Variants in GPNMB observed in about 807,000 individuals in gnomAD.
The protein encoded by GPNMB is glycoprotein nmb.
GPNMB carries 71 observed loss-of-function variants against 57.3 expected under a neutral mutation model. That is an observed-to-expected ratio of 1.24 (90% CI 1.02 to 1.51). The LOEUF (loss-of-function observed/expected upper bound fraction) is 1.51, where lower values mean the gene tolerates loss of function less well. GPNMB is among the 40% of genes most tolerant of loss of function. The pLI, the probability that GPNMB is intolerant of heterozygous loss-of-function variation, is 0.00. For synonymous variants in GPNMB, 253 were observed against 263.2 expected (o/e 0.96, Z 0.38); for missense variants, 677 against 691.9 (o/e 0.98, Z 0.24).
Position 23,274,299 on chromosome 7 carries a change from T to C in GPNMB, c.*75T>C. The stretch of plus-strand genomic sequence containing the variant: ...TGTGCTGGAGTGGCTATTAACCTTT[T>C]TTTCCTAAAGATTATTGTTAAATAG... On this transcript the variant is annotated 3_prime_UTR_variant, in exon 11 of 11. Transcript: ENST00000258733. 1 of 1,093,494 alleles carries C rather than the reference T, an allele frequency of 9.1e-7. No homozygotes were observed. Among genetic ancestry groups the C allele is most frequent in the Admixed American group, 2.2e-5 (1 of 45,992 alleles). The allele number at this position is 1,093,494 out of a possible 1,614,324, so 67.7% of individuals were successfully genotyped here. A position where few individuals can be genotyped will look rare whatever the true frequency, so the allele number is the denominator to read the frequency against.
Position 23,274,711 on chromosome 7 carries a change from G to T in GPNMB, c.*487G>T, listed in dbSNP as rs187509890. ...TGAACTCCTGATGGAACAATAACAG[G>T]CCCAAGCCTGTGGTATGATGTGCAC... On this transcript the variant is annotated 3_prime_UTR_variant, in exon 11 of 11. Coordinates refer to ENST00000258733, the MANE Select transcript of GPNMB (RefSeq NM_002510.3). The T allele has an allele frequency of 6.5e-6, 1 of 152,916 alleles. No individual in the cohort carries two copies. The highest frequency in any genetic ancestry group is 2.4e-5 in the African/African-American group (1 of 41,422). The allele number at this position is 152,916 out of a possible 1,614,324, so 9.5% of individuals were successfully genotyped here. A position where few individuals can be genotyped will look rare whatever the true frequency, so the allele number is the denominator to read the frequency against.
intron 1 of GPNMB, chr7:23,248,049 G>A (rs1308321109): frequency 6.6e-6 from 1 of 152,324 alleles, no homozygotes; most frequent in Non-Finnish European, 1.5e-5. Flanking sequence ...CCCGGGTTTG[G>A]GGTTGGACAG....
Position 23,270,000 on chromosome 7 carries a change from CCCCA to C in GPNMB, c.1257_1260del (p.Thr420AlafsTer20). The C allele has an allele frequency of 3.1e-6, 5 of 1,614,108 alleles. No homozygotes were observed. Among genetic ancestry groups the C allele is most frequent in the Non-Finnish European group, 4.2e-6 (5 of 1,179,996 alleles). On this transcript the variant is annotated frameshift_variant, in exon 9 of 11. Coordinates refer to ENST00000258733, the MANE Select transcript of GPNMB (RefSeq NM_002510.3). LOFTEE classifies it high-confidence loss of function. ...CGGAGGTCTGTACCATCATTTCTGA[CCCCA>C]CCTGCGAGATCACCCAGAACACAGT...
intron 4 of GPNMB, 82 bp from the exon 5 acceptor site, chr7:23,259,898 G>A (rs1024290701): frequency 1.3e-5 from 17 of 1,297,452 alleles, no homozygotes; most frequent in Non-Finnish European, 1.9e-5. Context: ...TCTATAAATG[G>A]TGGTAGCTAG....
intron 3 of GPNMB, 121 bp from the exon 4 acceptor site, chr7:23,256,771 G>C: frequency 1.4e-6 from 1 of 711,890 alleles, no homozygotes; most frequent in Non-Finnish European, 2.4e-6. Context: ...GTGTTTAGTT[G>C]TCTAACTACT....
chr7:23,253,203 A>G (rs1359072538), intron 1 of GPNMB, 104 bp from the exon 2 acceptor site: 5 of 937,820 alleles, frequency 5.3e-6, no homozygotes, highest in Non-Finnish European at 8.0e-6. Context: ...TGCACTGAAT[A>G]TATTATGTAT....
intron 3 of GPNMB, 132 bp from the exon 4 acceptor site, chr7:23,256,760 A>C (rs1027821703): frequency 2.3e-5 from 15 of 658,636 alleles, no homozygotes; most frequent in Admixed American, 1.7e-4. Context: ...CTACATATTA[A>C]GTGTTTAGTT....
chr7:23,259,984 G>A lies in GPNMB; in HGVS notation c.546G>A (p.Gln182=). The change falls in exon 5 of 11, where the codon CAG becomes CAA. Residue 182 remains glutamine, a synonymous_variant. Transcript: ENST00000258733. ...NFIYVFHTLG[Q]YFQKLGRCSV... ...AAAATTTCCATCCTCCCAAAGGTCA[G>A]TATTTCCAGAAATTGGGACGATGTT... is the stretch of plus-strand genomic sequence containing the variant. 6.2e-7 allele frequency: 1 copy of A among 1,614,064 alleles called. No homozygotes were observed. The highest frequency in any genetic ancestry group is 8.5e-7 in the Non-Finnish European group (1 of 1,179,952).
intron 4 of GPNMB, chr7:23,258,067 T>A (rs1424776194): frequency 6.6e-6 from 1 of 152,244 alleles, no homozygotes; most frequent in Non-Finnish European, 1.5e-5. Context: ...TGTCTTTTTT[T>A]AAATTACAAA....
chr7:23,274,295 C>CT lies in GPNMB; in HGVS notation c.*78dup, dbSNP rs1783285389. The stretch of plus-strand genomic sequence containing the variant: ...GAGATGTGCTGGAGTGGCTATTAAC[C>CT]TTTTTTTCCTAAAGATTATTGTTAA... On this transcript the variant is annotated 3_prime_UTR_variant, in exon 11 of 11. Coordinates refer to ENST00000258733, the MANE Select transcript of GPNMB (RefSeq NM_002510.3). The CT allele has an allele frequency of 1.8e-6, 2 of 1,121,216 alleles. No homozygotes were observed. The highest frequency in any genetic ancestry group is 1.3e-6 in the Non-Finnish European group (1 of 762,704). 69.5% of individuals were successfully genotyped at this position (1,121,216 alleles called of 1,614,324 possible). A position where few individuals can be genotyped will look rare whatever the true frequency, so the allele number is the denominator to read the frequency against.
At chr7:23,266,656 C>T (rs1415997977) in intron 7 of GPNMB, 41 bp downstream of exon 7, 2 of 1,594,382 alleles carry the variant, frequency 1.3e-6, no homozygotes, top group African/African-American at 1.3e-5. Context: ...GGATGCTAGA[C>T]TCCACCTAGG....
At chr7:23,251,406 T>G (rs1425345075) in intron 1 of GPNMB, among the ~76,000 whole-genome samples, 1 of 152,164 alleles carries the variant, frequency 6.6e-6, no homozygotes, top group East Asian at 1.9e-4. Context: ...CCACAGAAAT[T>G]AATGGGAGAA....
At chr7:23,270,232 C>A in intron 9 of GPNMB, 57 bp downstream of exon 9, 1 of 1,201,026 alleles carries the variant, frequency 8.3e-7, no homozygotes, top group South Asian at 1.3e-5. Flanking sequence ...AGTGTGTATC[C>A]CATACTAAAG....
chr7:23,262,608 CTTTTTTTTTTTTT>C (rs58011121), intron 6 of GPNMB, among the ~76,000 whole-genome samples: 4 of 62,850 alleles, frequency 6.4e-5, no homozygotes, highest in African/African-American at 2.4e-4. Context: ...TCACCATTCT[CTTTTTTTTTTTTT>C]TTTTTTTTTT....
chr7:23,265,807 G>T (rs1001918335), intron 6 of GPNMB, among the ~76,000 whole-genome samples: 1 of 151,290 alleles, frequency 6.6e-6, no homozygotes, highest in Non-Finnish European at 1.5e-5. Flanking sequence ...CAGATTAAAT[G>T]ATGTGCCTGT....
intron 9 of GPNMB, among the ~76,000 whole-genome samples, chr7:23,271,094 A>G (rs1783192677): frequency 6.6e-6 from 1 of 152,194 alleles, no homozygotes; most frequent in Non-Finnish European, 1.5e-5. Flanking sequence ...AAACTGTTCT[A>G]CCTCAGATCA....
intron 6 of GPNMB, 90 bp downstream of exon 6, chr7:23,260,863 G>A: frequency 4.8e-6 from 5 of 1,042,278 alleles, no homozygotes; most frequent in East Asian, 5.0e-5. Context: ...TCCTTAAGGG[G>A]ATATTGTAAG....
At chr7:23,269,082 T>G (rs1190777924) in intron 8 of GPNMB, among the ~76,000 whole-genome samples, 2 of 152,128 alleles carry the variant, frequency 1.3e-5, no homozygotes, top group East Asian at 1.9e-4. Context: ...TAATGTTACT[T>G]TCTTCAAAAA....
chr7:23,260,556 T>G lies in GPNMB; in HGVS notation c.801T>G (p.Ile267Met), dbSNP rs1782893287. 15 of 1,613,804 alleles carry G rather than the reference T, an allele frequency of 9.3e-6. No homozygotes were observed. The highest frequency in any genetic ancestry group is 1.3e-5 in the Non-Finnish European group (15 of 1,179,702). ...KDLPIMFDVL[I>M]HDPSHFLNYS... is the part of the protein sequence containing the mutation. ...TCCCCATTATGTTTGATGTCCTGAT[T>G]CATGATCCTAGCCACTTCCTCAATT... The change falls in exon 6 of 11, where the codon ATT becomes ATG. Residue 267 changes from isoleucine (I) to methionine (M), a missense_variant. Coordinates refer to ENST00000258733, the MANE Select transcript of GPNMB (RefSeq NM_002510.3).
Sources: gnomAD v4.1 joint callset for allele counts (sites outside exome capture counted in the v4.1 genomes callset) on GRCh38, gnomAD v4.1.1 for gene constraint, MANE v1.5 for transcripts, NCBI Gene and HGNC (gene_info 2026-07-23, HGNC 2026-07-21) for gene names.